STOX1: variants seen among roughly 807,000 people sequenced by gnomAD.
The protein encoded by STOX1 is storkhead-box protein 1.
A neutral mutation model predicts 74.8 loss-of-function variants in STOX1; 57 were observed. The observed-to-expected ratio is 0.76, with a 90% CI of 0.62 to 0.95. The LOEUF (loss-of-function observed/expected upper bound fraction) is 0.95, where lower values mean the gene tolerates loss of function less well. STOX1 is among the 40% of genes least tolerant of loss of function. The pLI is 0.00. For synonymous variants in STOX1, 375 were observed against 401.3 expected (o/e 0.93, Z 0.78); for missense variants, 1,010 against 1,117.0 (o/e 0.90, Z 1.37).
At chr10:68,854,109 T>A (rs1840061049) in intron 1 of STOX1, among the ~76,000 whole-genome samples, 1 of 151,880 alleles carries the variant, frequency 6.6e-6, no homozygotes, top group Non-Finnish European at 1.5e-5. Context: ...GATTCCCCTG[T>A]CTCATCCTCC....
At chr10:68,844,052 C>A (rs1189795229) in intron 1 of STOX1, among the ~76,000 whole-genome samples, 2 of 151,694 alleles carry the variant, frequency 1.3e-5, no homozygotes, top group Admixed American at 1.3e-4. Flanking sequence ...TGGTGGTGGG[C>A]GCCTGTAGTC....
At chr10:68,833,829 C>T (rs906855523) in intron 1 of STOX1, among the ~76,000 whole-genome samples, 1 of 152,188 alleles carries the variant, frequency 6.6e-6, no homozygotes, top group African/African-American at 2.4e-5. Context: ...TGTCTCTCTT[C>T]TCTTACTGGC....
intron 1 of STOX1, among the ~76,000 whole-genome samples, chr10:68,878,442 G>A (rs1471845531): frequency 2.0e-5 from 3 of 152,060 alleles, no homozygotes; most frequent in African/African-American, 7.2e-5. Context: ...ATCATCTATC[G>A]CCACTCTTTG....
At chr10:68,856,570 A>T (rs1162612137) in intron 1 of STOX1, among the ~76,000 whole-genome samples, 1 of 151,988 alleles carries the variant, frequency 6.6e-6, no homozygotes, top group Admixed American at 6.6e-5. Context: ...TGTGTAGGGG[A>T]CTAGTGCAGT....
At chr10:68,863,153 A>T (rs931270684) in intron 1 of STOX1, among the ~76,000 whole-genome samples, 4 of 152,086 alleles carry the variant, frequency 2.6e-5, no homozygotes, top group Admixed American at 2.0e-4. Context: ...GGACCGGGCA[A>T]CCAAGAGCTA....
Position 68,886,556 on chromosome 10 carries a change from C to T in STOX1, c.2760C>T (p.His920=). Residue 920 remains histidine, a synonymous_variant, in exon 3 of 4, where the codon CAC becomes CAT. Transcript: ENST00000298596. ...TGGCTCAGGATGTCCAATATGAACA[C>T]AGTCACTTGGAAGGGACAGAAAATC... ...PVLAQDVQYE[H]SHLEGTENHS... 1 of 1,614,160 alleles carries T rather than the reference C, an allele frequency of 6.2e-7. No homozygotes were observed. The highest frequency in any genetic ancestry group is 8.5e-7 in the Non-Finnish European group (1 of 1,180,010).
intron 1 of STOX1, chr10:68,847,055 C>T (rs934620665): frequency 2.6e-5 from 4 of 152,126 alleles, no homozygotes; most frequent in Admixed American, 2.6e-4. Context: ...TACCTTTTGA[C>T]CTTGGAGTTC....
chr10:68,848,659 AGTTT>A (rs969461967), intron 1 of STOX1, among the ~76,000 whole-genome samples: 7 of 152,074 alleles, frequency 4.6e-5, no homozygotes, highest in African/African-American at 9.7e-5. Flanking sequence ...GAATGTGAGC[AGTTT>A]GTTTGTTTTG....
intron 1 of STOX1, among the ~76,000 whole-genome samples, chr10:68,866,167 T>A (rs910262629): frequency 7.9e-5 from 12 of 152,132 alleles, no homozygotes; most frequent in African/African-American, 2.9e-4. Flanking sequence ...CATAAATTTA[T>A]AGGTTCAGAA....
intron 1 of STOX1, among the ~76,000 whole-genome samples, chr10:68,845,581 G>A (rs1839821053): frequency 6.6e-6 from 1 of 150,610 alleles, no homozygotes. Context: ...GCAACACCTG[G>A]CTAATTTTTT....
chr10:68,832,589 G>A (rs527628408), intron 1 of STOX1, among the ~76,000 whole-genome samples: 111 of 151,856 alleles, frequency 7.3e-4, no homozygotes, highest in Non-Finnish European at 1.3e-3. Context: ...AGGAGAACCC[G>A]GGAGGCAGAG....
intron 2 of STOX1, among the ~76,000 whole-genome samples, chr10:68,882,922 C>A (rs1450341315): frequency 6.6e-6 from 1 of 152,130 alleles, no homozygotes; most frequent in Non-Finnish European, 1.5e-5. Context: ...TGAGACAAGG[C>A]CTCACTCTGT....
intron 1 of STOX1, among the ~76,000 whole-genome samples, chr10:68,839,065 A>G (rs1003617895): frequency 1.3e-5 from 2 of 152,168 alleles, no homozygotes; most frequent in African/African-American, 4.8e-5. Flanking sequence ...TCCCATATCC[A>G]TGGATTGGGA....
At chr10:68,887,372 T>C (rs904971621) in intron 3 of STOX1, among the ~76,000 whole-genome samples, 2 of 152,172 alleles carry the variant, frequency 1.3e-5, no homozygotes, top group Non-Finnish European at 2.9e-5. Flanking sequence ...AACCTCCGCC[T>C]CCTGGATTCA....
chr10:68,892,991 G>A lies in STOX1; in HGVS notation c.*255G>A. On this transcript the variant is annotated 3_prime_UTR_variant, in exon 4 of 4. Coordinates refer to ENST00000298596, the MANE Select transcript of STOX1 (RefSeq NM_152709.5). ...TTTCGATTAAAAAGTGGAATTATTG[G>A]TCCCCTTCCAATTGTAATTATCTTG... The A allele has an allele frequency of 2.8e-6, 1 of 360,634 alleles. No homozygotes were observed. The highest frequency in any genetic ancestry group is 5.0e-6 in the Non-Finnish European group (1 of 199,948). 22.3% of individuals were successfully genotyped at this position (360,634 alleles called of 1,614,324 possible).
At chr10:68,867,190 CCG>C (rs1840432278) in intron 1 of STOX1, among the ~76,000 whole-genome samples, 1 of 152,082 alleles carries the variant, frequency 6.6e-6, no homozygotes, top group Admixed American at 6.5e-5. Flanking sequence ...CGTGATCCGC[CCG>C]CCTCAGCCTC....
intron 1 of STOX1, among the ~76,000 whole-genome samples, chr10:68,866,608 C>T (rs1262070230): frequency 6.6e-6 from 1 of 152,190 alleles, no homozygotes; most frequent in African/African-American, 2.4e-5. Flanking sequence ...CAATCCCAGT[C>T]AATCACTCCT....
At chr10:68,852,610 G>T (rs546599505) in intron 1 of STOX1, among the ~76,000 whole-genome samples, 25 of 151,018 alleles carry the variant, frequency 1.7e-4, no homozygotes, top group African/African-American at 6.1e-4. Flanking sequence ...CCAAGACAGG[G>T]TCTCAATCTA....
At chr10:68,849,638 C>T (rs1564573948) in intron 1 of STOX1, among the ~76,000 whole-genome samples, 1 of 152,050 alleles carries the variant, frequency 6.6e-6, no homozygotes, top group Non-Finnish European at 1.5e-5. Context: ...CGGCCTTGTG[C>T]ACAAGGCCTC....
Sources: allele counts gnomAD v4.1 joint callset (sites outside exome capture counted in the v4.1 genomes callset), GRCh38; gene constraint gnomAD v4.1.1; transcripts MANE v1.5; gene names NCBI Gene and HGNC (gene_info 2026-07-23, HGNC 2026-07-21).